FERMT2: variants seen among roughly 807,000 people sequenced by gnomAD.
FERMT2 encodes the protein fermitin family homolog 2.
In FERMT2, 15 loss-of-function variants were observed where a neutral mutation model predicts 82.7. That is an observed-to-expected ratio of 0.18 (90% CI 0.12 to 0.28). FERMT2 has a LOEUF of 0.28. Ranked by LOEUF, FERMT2 falls within the 10% of genes least tolerant of loss-of-function variation. The pLI, the probability that FERMT2 is intolerant of heterozygous loss-of-function variation, is 1.00. For missense variants in FERMT2, 645 were observed against 809.4 expected (o/e 0.80, Z 2.46); for synonymous variants, 274 against 271.5 (o/e 1.01, Z -0.09).
chr14:52,869,068 G>A (rs533186246), intron 10 of FERMT2, among the ~76,000 whole-genome samples: 1 of 152,120 alleles, frequency 6.6e-6, no homozygotes, highest in East Asian at 1.9e-4. Flanking sequence ...GAGAACAGGG[G>A]CCAGAAGACA....
chr14:52,933,853 C>T (rs1188349854), intron 2 of FERMT2, among the ~76,000 whole-genome samples: 90 of 151,902 alleles, frequency 5.9e-4, no homozygotes, highest in African/African-American at 2.0e-3. Flanking sequence ...GCTCTTACCA[C>T]ACCCAGATGC....
rs1275732955 is a variant in FERMT2 at position 52,874,217 on chromosome 14, T to C, written c.1108A>G (p.Thr370Ala). ...TAGTCAGCAAGTTCAGGAATGGAAGTAATGTCACCCTAGGAGAGAGTTAAA... is the reference window on the plus strand; with the variant it reads ...TAGTCAGCAAGTTCAGGAATGGAAGCAATGTCACCCTAGGAGAGAGTTAAA... Reference protein sequence around the residue: ...GKTSTILGDITSIPELADYIK... With the variant: ...GKTSTILGDIASIPELADYIK... Residue 370 changes from threonine (T) to alanine (A), a missense_variant, in exon 9 of 15, where the codon ACT (threonine) becomes GCT (alanine). Coordinates refer to ENST00000341590, the MANE Select transcript of FERMT2 (RefSeq NM_006832.3). 1 of 1,594,162 alleles carries C rather than the reference T, an allele frequency of 6.3e-7. No individual in the cohort carries two copies. The highest frequency in any genetic ancestry group is 8.5e-7 in the Non-Finnish European group (1 of 1,170,008).
intron 3 of FERMT2, among the ~76,000 whole-genome samples, chr14:52,915,748 T>G (rs146135034): frequency 3.9e-5 from 6 of 152,298 alleles, no homozygotes; most frequent in African/African-American, 1.4e-4. Context: ...CAAACCAATG[T>G]TAACTTCTAC....
intron 2 of FERMT2, among the ~76,000 whole-genome samples, chr14:52,921,383 T>C (rs1463947990): frequency 6.6e-6 from 1 of 152,240 alleles, no homozygotes; most frequent in African/African-American, 2.4e-5. Context: ...CTGCCAATCA[T>C]GTTATTTGAA....
intron 2 of FERMT2, among the ~76,000 whole-genome samples, chr14:52,935,774 C>G (rs1040476559): frequency 2.2e-4 from 33 of 152,148 alleles, no homozygotes; most frequent in African/African-American, 7.0e-4. Flanking sequence ...TAGTTGAAAA[C>G]TGGGGAATTC....
intron 2 of FERMT2, among the ~76,000 whole-genome samples, chr14:52,925,475 C>T (rs1343625770): frequency 1.3e-5 from 2 of 149,472 alleles, no homozygotes; most frequent in African/African-American, 5.0e-5. Flanking sequence ...AGGAGAATGG[C>T]TTGCACCCAG....
chr14:52,894,691 C>T (rs1375729492), intron 3 of FERMT2, among the ~76,000 whole-genome samples: 6 of 151,950 alleles, frequency 3.9e-5, no homozygotes, highest in African/African-American at 1.2e-4. Flanking sequence ...CAACAAAGTG[C>T]TGAACAATGA....
chr14:52,864,270 G>A (rs1337974381), intron 12 of FERMT2, 131 bp downstream of exon 12: 3 of 646,234 alleles, frequency 4.6e-6, no homozygotes, highest in African/African-American at 3.7e-5. Flanking sequence ...TACTCTAACT[G>A]TATTTTATAT....
intron 3 of FERMT2, among the ~76,000 whole-genome samples, chr14:52,911,867 T>G (rs188524549): frequency 6.6e-6 from 1 of 152,270 alleles, no homozygotes; most frequent in Admixed American, 6.5e-5. Flanking sequence ...ATTAGCTGTT[T>G]TCTTATTTAC....
chr14:52,913,096 A>G (rs1888417738), intron 3 of FERMT2, among the ~76,000 whole-genome samples: 1 of 152,234 alleles, frequency 6.6e-6, no homozygotes, highest in African/African-American at 2.4e-5. Context: ...CAGCAACAAC[A>G]AACGATTGCA....
intron 2 of FERMT2, among the ~76,000 whole-genome samples, chr14:52,928,933 G>C (rs1056859883): frequency 6.6e-6 from 1 of 151,978 alleles, no homozygotes; most frequent in African/African-American, 2.4e-5. Context: ...TCTAGGAACC[G>C]TGTGCTTCTT....
At chr14:52,910,795 C>G (rs1167337110) in intron 3 of FERMT2, among the ~76,000 whole-genome samples, 1 of 152,144 alleles carries the variant, frequency 6.6e-6, no homozygotes, top group Non-Finnish European at 1.5e-5. Context: ...ACACCCTTCA[C>G]ATTTACTTGG....
At chr14:52,907,984 A>AG (rs1420710165) in intron 3 of FERMT2, among the ~76,000 whole-genome samples, 1 of 152,248 alleles carries the variant, frequency 6.6e-6, no homozygotes, top group Non-Finnish European at 1.5e-5. Flanking sequence ...GGATATGCAA[A>AG]GAATGCTTAC....
At chr14:52,890,008 A>C (rs988396200) in intron 4 of FERMT2, among the ~76,000 whole-genome samples, 8 of 151,684 alleles carry the variant, frequency 5.3e-5, no homozygotes, top group Admixed American at 4.6e-4. Flanking sequence ...GTGCGCCTAT[A>C]GTCTCAGCTA....
intron 3 of FERMT2, among the ~76,000 whole-genome samples, chr14:52,903,631 T>C (rs1887807390): frequency 6.6e-6 from 1 of 151,722 alleles, no homozygotes; most frequent in Non-Finnish European, 1.5e-5. Context: ...AATTTAACAA[T>C]GACTTCCAAA....
intron 2 of FERMT2, among the ~76,000 whole-genome samples, chr14:52,922,042 A>G (rs1594997584): frequency 6.6e-6 from 1 of 152,178 alleles, no homozygotes; most frequent in East Asian, 1.9e-4. Context: ...TCCAGAAGGC[A>G]TCCCTGACCT....
At chr14:52,880,018 T>C (rs1886197337) in intron 6 of FERMT2, among the ~76,000 whole-genome samples, 1 of 152,160 alleles carries the variant, frequency 6.6e-6, no homozygotes, top group South Asian at 2.1e-4. Context: ...CCCAGCACTT[T>C]GGGAGGCTGA....
chr14:52,868,003 G>C (rs1482865650), intron 10 of FERMT2, among the ~76,000 whole-genome samples: 1 of 151,900 alleles, frequency 6.6e-6, no homozygotes, highest in East Asian at 1.9e-4. Flanking sequence ...GTATAAATAT[G>C]GATCTTGTCA....
chr14:52,942,821 C>CCAAT lies in FERMT2; in HGVS notation c.157+7587_157+7590dup, dbSNP rs1890154826. Among the ~76,000 whole-genome samples, 5 of 152,228 alleles carry CCAAT rather than the reference C, an allele frequency of 3.3e-5. No homozygotes were observed. In the South Asian group the frequency reaches 1.0e-3, roughly 32 times the overall value. ...AGCTGACATTATGGGAAACCTACAT[C>CCAAT]CAATGATGTCTAAAACTATTATTAA... On this transcript the variant is annotated intron_variant, in intron 2 of 14. Coordinates refer to ENST00000341590, the MANE Select transcript of FERMT2 (RefSeq NM_006832.3).
Sources: allele counts gnomAD v4.1 joint callset (sites outside exome capture counted in the v4.1 genomes callset), GRCh38; gene constraint gnomAD v4.1.1; transcripts MANE v1.5; gene names NCBI Gene and HGNC (gene_info 2026-07-23, HGNC 2026-07-21).